The following PCDHGB2 variants were observed in gnomAD, a reference collection of about 807,000 sequenced individuals.
The protein encoded by PCDHGB2 is protocadherin gamma-B2.
A neutral mutation model predicts 59.3 loss-of-function variants in PCDHGB2; 55 were observed. The ratio of observed to expected loss-of-function variants is 0.93; its 90% CI spans 0.75 to 1.16. The LOEUF (loss-of-function observed/expected upper bound fraction) is 1.16, where lower values mean the gene tolerates loss of function less well. PCDHGB2 is among the 50% of genes most tolerant of loss of function. The probability of loss-of-function intolerance (pLI) is 0.00; values close to 1 mark genes in which losing one functional copy is unlikely to be tolerated. For synonymous variants in PCDHGB2, 516 were observed against 512.0 expected (o/e 1.01, Z -0.11); for missense variants, 1,228 against 1,198.5 (o/e 1.02, Z -0.36).
intron 1 of PCDHGB2, chr5:141,404,714 G>T (rs776337117): frequency 6.2e-7 from 1 of 1,614,068 alleles, no homozygotes; most frequent in Non-Finnish European, 8.5e-7. Context: ...TGGCTACCTG[G>T]TGACCAAGGT....
At chr5:141,399,194 C>G in intron 1 of PCDHGB2, 1 of 1,613,838 alleles carries the variant, frequency 6.2e-7, no homozygotes, top group Non-Finnish European at 8.5e-7. Context: ...CTGGAAAACG[C>G]GGTGCCTGGA....
chr5:141,435,760 T>C (rs1241767830), intron 1 of PCDHGB2, among the ~76,000 whole-genome samples: 1 of 152,172 alleles, frequency 6.6e-6, no homozygotes, highest in Non-Finnish European at 1.5e-5. Context: ...TTGATTTCTT[T>C]TGGTGAATTC....
chr5:141,505,486 G>A lies in PCDHGB2; in HGVS notation c.2569+5G>A, dbSNP rs1291166546. The A allele has an allele frequency of 1.8e-5, 29 of 1,614,088 alleles. No homozygotes were observed. The highest frequency in any genetic ancestry group is 2.1e-5 in the Non-Finnish European group (25 of 1,180,018). On this transcript the variant is annotated splice_donor_5th_base_variant and intron_variant, in intron 3 of 3. Transcript: ENST00000522605. ...TGATCTTGGCGTCCGCCAGTGGTAA[G>A]TGGTGTCAGTGTGTGTATGGAAGAG...
Position 141,385,179 on chromosome 5 carries a change from C to T in PCDHGB2, c.2421+22623C>T, listed in dbSNP as rs1270655942. The T allele has an allele frequency of 7.4e-6, 12 of 1,614,194 alleles. No homozygotes were observed. In the South Asian group the frequency reaches 1.2e-4, roughly 16 times the overall value. On this transcript the variant is annotated intron_variant, in intron 1 of 3. Transcript: ENST00000522605. ...CCTATTCCCATGAGGTCTCCCTCAC[C>T]GCGGACTCTCGGAAGAGTCACCTGA...
Position 141,511,350 on chromosome 5 carries a change from C to T in PCDHGB2, c.*177C>T, listed in dbSNP as rs1303365585. Reference sequence around the variant, plus strand: ...CCCAGTCAGCACCTACCCCTTCCCCCCCAGGGGGTTGAATATGCAAAAGCA... The same window carrying T: ...CCCAGTCAGCACCTACCCCTTCCCCTCCAGGGGGTTGAATATGCAAAAGCA... On this transcript the variant is annotated 3_prime_UTR_variant, in exon 4 of 4. Transcript: ENST00000522605. The T allele has an allele frequency of 6.4e-6, 9 of 1,397,076 alleles. No homozygotes were observed. Among genetic ancestry groups the T allele is most frequent in the Non-Finnish European group, 8.6e-6 (9 of 1,050,666 alleles). 86.5% of individuals were successfully genotyped at this position (1,397,076 alleles called of 1,614,324 possible).
At chr5:141,428,095 A>G (rs1361784967) in intron 1 of PCDHGB2, 1 of 1,608,848 alleles carries the variant, frequency 6.2e-7, no homozygotes, top group East Asian at 2.2e-5. Flanking sequence ...TGGCTGTCCT[A>G]CCACGTGCTG....
chr5:141,399,491 T>A, intron 1 of PCDHGB2: 1 of 1,614,022 alleles, frequency 6.2e-7, no homozygotes, highest in African/African-American at 1.3e-5. Flanking sequence ...TCCTACTTAG[T>A]CAGTGTACCC....
chr5:141,361,490 T>C lies in PCDHGB2; in HGVS notation c.1355T>C (p.Phe452Ser), dbSNP rs775139870. The C allele has an allele frequency of 6.2e-7, 1 of 1,613,998 alleles. No individual in the cohort carries two copies. Among genetic ancestry groups the C allele is most frequent in the Non-Finnish European group, 8.5e-7 (1 of 1,179,878 alleles). Reference protein sequence around the residue: ...ISDVNDNAPVFQQTSYMVHVA... With the variant: ...ISDVNDNAPVSQQTSYMVHVA... ...GACGTCAACGATAATGCCCCAGTTT[T>C]CCAACAGACTTCCTACATGGTTCAC... is the stretch of plus-strand genomic sequence containing the variant. Residue 452 changes from phenylalanine to serine, a missense_variant, in exon 1 of 4, where the codon TTC becomes TCC. Phe to Ser is a radical substitution (Grantham distance 155). Coordinates refer to ENST00000522605, the MANE Select transcript of PCDHGB2 (RefSeq NM_018923.3).
Position 141,491,586 on chromosome 5 carries a change from G to T in PCDHGB2, c.2422-3221G>T, listed in dbSNP as rs373990387. ...ACAGGACGTGCTTTTCACCGGCCTC[G>T]GACGGCAGTGACTTCACTTTTCTAA... On this transcript the variant is annotated intron_variant, in intron 1 of 3. Transcript: ENST00000522605. This position sits in a 1 kb window ranked among gnomAD's most constrained non-coding sequence, Gnocchi z 6.9. 2.1e-5 allele frequency: 34 copies of T among 1,613,792 alleles called. No individual in the cohort carries two copies. In the African/African-American group the frequency reaches 2.4e-4, roughly 11 times the overall value.
Position 141,433,071 on chromosome 5 carries a change from C to T in PCDHGB2, c.2422-61736C>T, listed in dbSNP as rs2097566106. On this transcript the variant is annotated intron_variant, in intron 1 of 3. Transcript: ENST00000522605. ...TCGCGGAAGAGTCACCTGATCTTCC[C>T]CCAGCCCAACTATGCAGACATGCTC... 2.5e-6 allele frequency: 4 copies of T among 1,614,154 alleles called. No homozygotes were observed. The East Asian group carries it at 8.9e-5, about 36-fold the overall frequency.
chr5:141,428,029 C>T (rs775747505), intron 1 of PCDHGB2: 1 of 1,607,160 alleles, frequency 6.2e-7, no homozygotes, highest in Non-Finnish European at 8.5e-7. Flanking sequence ...GCCGCAGAGT[C>T]CGGCTACCTG....
chr5:141,418,996 TG>T (rs745777250), intron 1 of PCDHGB2: 13 of 1,613,756 alleles, frequency 8.1e-6, no homozygotes, highest in Non-Finnish European at 1.1e-5. Flanking sequence ...CAGGGGAAAA[TG>T]GGGAAGTCAG....
chr5:141,502,475 A>G (rs1246548191), intron 2 of PCDHGB2, among the ~76,000 whole-genome samples: 1 of 150,884 alleles, frequency 6.6e-6, no homozygotes, highest in Non-Finnish European at 1.5e-5. Context: ...TTCCCGCAGC[A>G]TCACACTGGG....
chr5:141,467,897 A>G (rs1403276382), intron 1 of PCDHGB2, among the ~76,000 whole-genome samples: 1 of 152,056 alleles, frequency 6.6e-6, no homozygotes, highest in Non-Finnish European at 1.5e-5. Flanking sequence ...GAGCTCAAGA[A>G]ATCCGCCCAC....
intron 1 of PCDHGB2, among the ~76,000 whole-genome samples, chr5:141,458,596 G>A (rs907922436): frequency 1.8e-4 from 27 of 151,842 alleles, no homozygotes; most frequent in African/African-American, 5.8e-4. Flanking sequence ...TTGGAGACGA[G>A]TCTCACTCTG....
chr5:141,390,330 C>T, intron 1 of PCDHGB2: 1 of 1,600,608 alleles, frequency 6.2e-7, no homozygotes, highest in Non-Finnish European at 8.5e-7. Flanking sequence ...ACCCATTTCT[C>T]CATATTCACA....
chr5:141,380,361 G>GA (rs980591138), intron 1 of PCDHGB2, among the ~76,000 whole-genome samples: 103 of 151,620 alleles, frequency 6.8e-4, no homozygotes, highest in South Asian at 1.2e-3. Flanking sequence ...TTGTTTTTTA[G>GA]AAAAAAAAGT....
chr5:141,492,458 G>A (rs1333043781), intron 1 of PCDHGB2, among the ~76,000 whole-genome samples: 1 of 152,230 alleles, frequency 6.6e-6, no homozygotes, highest in Non-Finnish European at 1.5e-5. Flanking sequence ...GTGCGCGCCT[G>A]AGGGTCCCAG....
chr5:141,443,207 C>T (rs907169095), intron 1 of PCDHGB2, among the ~76,000 whole-genome samples: 5 of 152,064 alleles, frequency 3.3e-5, no homozygotes, highest in African/African-American at 1.2e-4. Context: ...AAGAGCTTGT[C>T]TCGCCAGGCG....
Sources: gnomAD v4.1 joint callset for allele counts (sites outside exome capture counted in the v4.1 genomes callset) on GRCh38, gnomAD v4.1.1 for gene constraint, Gnocchi (gnomAD v3.1) non-coding constraint, MANE v1.5 for transcripts, NCBI Gene and HGNC (gene_info 2026-07-23, HGNC 2026-07-21) for gene names.